CDK14: variants seen among roughly 807,000 people sequenced by gnomAD.
The protein encoded by CDK14 is cyclin dependent kinase 14.
CDK14 carries 34 observed loss-of-function variants against 60.7 expected under a neutral mutation model. The ratio of observed to expected loss-of-function variants is 0.56; its 90% CI spans 0.43 to 0.75. The LOEUF is 0.75. Among genes scored for constraint, CDK14 ranks in the 30% least tolerant of loss-of-function variants. CDK14 has a pLI of 0.00. For synonymous variants in CDK14, 197 were observed against 203.7 expected (o/e 0.97, Z 0.28); for missense variants, 482 against 564.1 (o/e 0.85, Z 1.47).
intron 14 of CDK14, among the ~76,000 whole-genome samples, chr7:91,162,900 G>A (rs2115752888): frequency 6.6e-6 from 1 of 152,330 alleles, no homozygotes; most frequent in Non-Finnish European, 1.5e-5. Context: ...GCTTGGATGT[G>A]TGGTGTCGCT....
intron 4 of CDK14, among the ~76,000 whole-genome samples, chr7:90,778,554 T>TTAAG (rs567665027): frequency 3.3e-5 from 5 of 152,166 alleles, no homozygotes; most frequent in Non-Finnish European, 7.3e-5. Context: ...GTTACCCTTC[T>TTAAG]TAAGATCTTT....
At chr7:90,868,718 T>G (rs1464202878) in intron 6 of CDK14, among the ~76,000 whole-genome samples, 1 of 152,180 alleles carries the variant, frequency 6.6e-6, no homozygotes, top group Non-Finnish European at 1.5e-5. Flanking sequence ...AGATGTTATT[T>G]TATTAGATGC....
chr7:91,104,565 T>A (rs1324213091), intron 12 of CDK14, among the ~76,000 whole-genome samples: 1 of 152,162 alleles, frequency 6.6e-6, no homozygotes, highest in Non-Finnish European at 1.5e-5. Context: ...TGTAGAACCA[T>A]CCAAAAAGAT....
intron 2 of CDK14, among the ~76,000 whole-genome samples, chr7:90,680,330 G>C (rs1449691865): frequency 6.6e-6 from 1 of 152,116 alleles, no homozygotes; most frequent in Non-Finnish European, 1.5e-5. Context: ...TCTAGTATCT[G>C]ATTTAAAGTT....
At chr7:90,772,893 T>G (rs1804848168) in intron 4 of CDK14, among the ~76,000 whole-genome samples, 3 of 152,128 alleles carry the variant, frequency 2.0e-5, no homozygotes, top group African/African-American at 7.2e-5. Flanking sequence ...TGGGAAAAAT[T>G]TACATATGAA....
At chr7:90,842,686 A>G (rs929491503) in intron 5 of CDK14, among the ~76,000 whole-genome samples, 1 of 152,186 alleles carries the variant, frequency 6.6e-6, no homozygotes, top group African/African-American at 2.4e-5. Flanking sequence ...TGATGGCTTC[A>G]TAGGATTAAA....
At chr7:90,623,691 C>T (rs1261828666) in intron 2 of CDK14, among the ~76,000 whole-genome samples, 1 of 151,896 alleles carries the variant, frequency 6.6e-6, no homozygotes, top group Non-Finnish European at 1.5e-5. Context: ...ATTAACTTTC[C>T]CCTTGAGCAT....
At chr7:90,722,681 T>TAG (rs1480214526) in intron 2 of CDK14, among the ~76,000 whole-genome samples, 1 of 152,134 alleles carries the variant, frequency 6.6e-6, no homozygotes, top group Admixed American at 6.6e-5. Context: ...TAGAATACTT[T>TAG]AGAGATGTTG....
intron 12 of CDK14, among the ~76,000 whole-genome samples, chr7:91,099,601 A>G (rs976631787): frequency 6.6e-6 from 1 of 152,158 alleles, no homozygotes; most frequent in Non-Finnish European, 1.5e-5. Flanking sequence ...TAAGATGCCT[A>G]TAATCGATTT....
chr7:90,849,860 A>G (rs753844097), intron 5 of CDK14, among the ~76,000 whole-genome samples: 23 of 152,140 alleles, frequency 1.5e-4, no homozygotes, highest in Non-Finnish European at 3.1e-4. Context: ...TCTTATTGAT[A>G]CTGTCTTATT....
intron 14 of CDK14, among the ~76,000 whole-genome samples, chr7:91,118,584 T>C (rs1799683687): frequency 6.6e-6 from 1 of 152,242 alleles, no homozygotes; most frequent in Admixed American, 6.5e-5. Flanking sequence ...GTTCTCATTT[T>C]AAAATGGGGA....
intron 5 of CDK14, among the ~76,000 whole-genome samples, chr7:90,802,049 C>T (rs987105990): frequency 7.9e-5 from 12 of 152,250 alleles, no homozygotes; most frequent in Non-Finnish European, 1.2e-4. Context: ...TGGGACATAA[C>T]CTCCTTCTTT....
chr7:90,886,813 G>GA (rs991533959), intron 6 of CDK14, among the ~76,000 whole-genome samples: 2 of 151,734 alleles, frequency 1.3e-5, no homozygotes, highest in East Asian at 3.9e-4. Context: ...TCCAATGATT[G>GA]AAAAAAAAGT....
intron 9 of CDK14, among the ~76,000 whole-genome samples, chr7:90,982,665 C>G (rs1416224648): frequency 6.6e-6 from 1 of 152,112 alleles, no homozygotes; most frequent in Non-Finnish European, 1.5e-5. Flanking sequence ...AGGCTAAGGA[C>G]TTAACTGGAT....
At chr7:90,830,167 A>G (rs778939215) in intron 5 of CDK14, among the ~76,000 whole-genome samples, 23 of 152,274 alleles carry the variant, frequency 1.5e-4, no homozygotes, top group Middle Eastern at 3.4e-3. Context: ...GAGGTTCTCT[A>G]TAAGGACTCC....
At chr7:91,045,639 T>C (rs2116023874) in intron 10 of CDK14, among the ~76,000 whole-genome samples, 1 of 152,316 alleles carries the variant, frequency 6.6e-6, no homozygotes, top group Middle Eastern at 3.4e-3. Flanking sequence ...AGCCTACTTA[T>C]TAAGTTTGGA....
chr7:91,008,985 T>C (rs534898117), intron 10 of CDK14, among the ~76,000 whole-genome samples: 113 of 152,218 alleles, frequency 7.4e-4, no homozygotes, highest in South Asian at 5.0e-3. Flanking sequence ...CTCAATTTCT[T>C]TGAACCTCCT....
At chr7:91,011,799 C>A (rs1376571542) in intron 10 of CDK14, among the ~76,000 whole-genome samples, 1 of 152,060 alleles carries the variant, frequency 6.6e-6, no homozygotes, top group Non-Finnish European at 1.5e-5. Context: ...TTTAAAAAAT[C>A]TCTTTCATAC....
chr7:90,786,786 G>A (rs1385434641), intron 4 of CDK14, among the ~76,000 whole-genome samples: 2 of 151,130 alleles, frequency 1.3e-5, no homozygotes, highest in Non-Finnish European at 2.9e-5. Context: ...TGACGTGATG[G>A]CATGGCTCTG....
Sources: gnomAD v4.1 joint callset for allele counts (sites outside exome capture counted in the v4.1 genomes callset) on GRCh38, gnomAD v4.1.1 for gene constraint, MANE v1.5 for transcripts, NCBI Gene and HGNC (gene_info 2026-07-23, HGNC 2026-07-21) for gene names.